AFF2: variants seen among roughly 807,000 people sequenced by gnomAD.
AFF2 encodes ALF transcription elongation factor 2.
AFF2 carries 14 observed loss-of-function variants against 76.9 expected under a neutral mutation model. The ratio of observed to expected loss-of-function variants is 0.18; its 90% CI spans 0.12 to 0.28. The LOEUF (loss-of-function observed/expected upper bound fraction) is 0.28, where lower values mean the gene tolerates loss of function less well. AFF2 is among the 10% of genes least tolerant of loss of function. The pLI, the probability that AFF2 is intolerant of heterozygous loss-of-function variation, is 1.00. For missense variants in AFF2, 868 were observed against 1,001.1 expected (o/e 0.87, Z 1.79); for synonymous variants, 398 against 366.7 (o/e 1.09, Z -0.98).
chrX:148,895,321 T>G (rs181128775), intron 8 of AFF2, among the ~76,000 whole-genome samples: 81 of 111,617 alleles, frequency 7.3e-4, no homozygotes, highest in African/African-American at 2.4e-3. Flanking sequence ...AAGTTACAAT[T>G]GGCAACATTA....
intron 8 of AFF2, among the ~76,000 whole-genome samples, chrX:148,889,073 A>G (rs1557279432): frequency 8.9e-6 from 1 of 112,131 alleles, no homozygotes; most frequent in East Asian, 2.8e-4. Flanking sequence ...AACTCAAATT[A>G]TCCAGGTGTA....
intron 9 of AFF2, among the ~76,000 whole-genome samples, chrX:148,914,479 A>G (rs1359467618): frequency 1.8e-5 from 2 of 112,061 alleles, no homozygotes; most frequent in African/African-American, 6.5e-5. Context: ...AAAATGCTGG[A>G]AAGGATTCTT....
intron 3 of AFF2, among the ~76,000 whole-genome samples, chrX:148,697,516 G>A (rs782777507): frequency 1.8e-5 from 2 of 111,130 alleles, no homozygotes; most frequent in Non-Finnish European, 3.8e-5. Context: ...TTACCAATCC[G>A]ATCTCCTCAG....
At chrX:148,685,920 C>G (rs1376957531) in intron 3 of AFF2, among the ~76,000 whole-genome samples, 6 of 110,007 alleles carry the variant, frequency 5.5e-5, no homozygotes, top group Non-Finnish European at 1.1e-4. Context: ...TTCTTTCTCT[C>G]TCTCTCTCTA....
intron 1 of AFF2, among the ~76,000 whole-genome samples, chrX:148,607,346 C>T (rs1278204965): frequency 9.0e-6 from 1 of 110,960 alleles, no homozygotes; most frequent in Non-Finnish European, 1.9e-5. Flanking sequence ...GGGAGGGACC[C>T]GGTTGGAGGT....
intron 4 of AFF2, among the ~76,000 whole-genome samples, chrX:148,829,902 A>C (rs1262782789): frequency 5.4e-5 from 6 of 111,441 alleles, no homozygotes; most frequent in Non-Finnish European, 1.1e-4. Flanking sequence ...CCAGTCCTAA[A>C]CTCTTGGTCC....
At chrX:148,644,995 A>C (rs2124448395) in intron 1 of AFF2, among the ~76,000 whole-genome samples, 1 of 112,284 alleles carries the variant, frequency 8.9e-6, no homozygotes, top group African/African-American at 3.2e-5. Flanking sequence ...TATTATTTTA[A>C]ATTTCAGATC....
At chrX:148,991,152 T>C in intron 20 of AFF2, 59 bp from the exon 21 acceptor site, 4 of 1,099,158 alleles carry the variant, frequency 3.6e-6, no homozygotes, top group Non-Finnish European at 4.9e-6. Flanking sequence ...CTTCTCAATG[T>C]GGTGCATATT....
chrX:148,729,406 C>T (rs1293833602), intron 3 of AFF2, among the ~76,000 whole-genome samples: 1 of 111,594 alleles, frequency 9.0e-6, no homozygotes, highest in African/African-American at 3.3e-5. Flanking sequence ...GGGGCATGGT[C>T]GGGAAGGGAG....
At chrX:148,963,059 A>G (rs782080589) in intron 13 of AFF2, 122 bp downstream of exon 13, 4 of 489,751 alleles carry the variant, frequency 8.2e-6, no homozygotes, top group Non-Finnish European at 1.1e-5. Context: ...GAAATATGAG[A>G]GGCCTGTGTA....
intron 1 of AFF2, among the ~76,000 whole-genome samples, chrX:148,545,417 C>T (rs2052909719): frequency 8.9e-6 from 1 of 111,956 alleles, no homozygotes; most frequent in African/African-American, 3.2e-5. Context: ...TGGGTGTCAG[C>T]CTGCTGTGTT....
At chrX:148,742,427 C>T (rs1277308286) in intron 3 of AFF2, among the ~76,000 whole-genome samples, 1 of 111,884 alleles carries the variant, frequency 8.9e-6, no homozygotes, top group Non-Finnish European at 1.9e-5. Context: ...TTGGTTTAAT[C>T]ATTCTATTAT....
intron 1 of AFF2, among the ~76,000 whole-genome samples, chrX:148,507,508 G>A (rs782106535): frequency 1.8e-5 from 2 of 111,503 alleles, no homozygotes; most frequent in South Asian, 3.8e-4. Flanking sequence ...ATGAGTGGTC[G>A]GAGGGTTGGG....
At chrX:148,891,113 T>G (rs2071218544) in intron 8 of AFF2, among the ~76,000 whole-genome samples, 1 of 111,317 alleles carries the variant, frequency 9.0e-6, no homozygotes, top group Middle Eastern at 4.2e-3. Flanking sequence ...AAACACTTAT[T>G]GAATTTCCAT....
intron 15 of AFF2, among the ~76,000 whole-genome samples, chrX:148,971,318 C>T (rs1010931428): frequency 3.0e-5 from 3 of 101,106 alleles, no homozygotes; most frequent in East Asian, 3.0e-4. Context: ...CTAAGTGAGG[C>T]GATACGGGCT....
chrX:148,879,175 T>C (rs2071068702), intron 7 of AFF2, among the ~76,000 whole-genome samples: 1 of 112,111 alleles, frequency 8.9e-6, no homozygotes, highest in African/African-American at 3.2e-5. Flanking sequence ...ATTCTCCTAC[T>C]GTTGTTTGAG....
intron 16 of AFF2, among the ~76,000 whole-genome samples, chrX:148,976,677 A>C (rs369125643): frequency 8.9e-6 from 1 of 112,061 alleles, no homozygotes; most frequent in Non-Finnish European, 1.9e-5. Flanking sequence ...CTACAGAGAG[A>C]GAGCCCCATT....
chrX:148,528,862 C>G (rs1402548043), intron 1 of AFF2, among the ~76,000 whole-genome samples: 4 of 110,484 alleles, frequency 3.6e-5, no homozygotes, highest in Non-Finnish European at 7.6e-5. Context: ...TATAAGTGGT[C>G]CCTATTTTTT....
chrX:148,861,199 A>G (rs1162173573), intron 7 of AFF2, among the ~76,000 whole-genome samples: 1 of 111,683 alleles, frequency 9.0e-6, no homozygotes, highest in Non-Finnish European at 1.9e-5. Context: ...AAAGTTACTT[A>G]TTAATATCAG....
Sources: gnomAD v4.1 joint callset for allele counts (sites outside exome capture counted in the v4.1 genomes callset) on GRCh38, gnomAD v4.1.1 for gene constraint, MANE v1.5 for transcripts, NCBI Gene and HGNC (gene_info 2026-07-23, HGNC 2026-07-21) for gene names.